CARMIL1: variants seen among roughly 807,000 people sequenced by gnomAD.
CARMIL1 encodes capping protein regulator and myosin 1 linker 1, also known as F-actin-uncapping protein LRRC16A.
In CARMIL1, 90 loss-of-function variants were observed where a neutral mutation model predicts 177.1. The ratio of observed to expected loss-of-function variants is 0.51; its 90% CI spans 0.43 to 0.61. The LOEUF (loss-of-function observed/expected upper bound fraction) is 0.61, where lower values mean the gene tolerates loss of function less well. Among genes scored for constraint, CARMIL1 ranks in the 20% least tolerant of loss-of-function variants. The pLI is 0.00. For synonymous variants in CARMIL1, 577 were observed against 606.2 expected, an observed-to-expected ratio of 0.95 and a Z score of 0.71; for missense variants, 1,380 against 1,667.0, an observed-to-expected ratio of 0.83 and a Z score of 3.00.
At chr6:25,452,947 TG>T (rs1330340030) in intron 8 of CARMIL1, among the ~76,000 whole-genome samples, 1 of 152,246 alleles carries the variant, frequency 6.6e-6, no homozygotes, top group Non-Finnish European at 1.5e-5. Flanking sequence ...TGAACTTTTT[TG>T]TATTTTGTTA....
At chr6:25,556,000 G>A (rs183174174) in intron 28 of CARMIL1, among the ~76,000 whole-genome samples, 4 of 152,222 alleles carry the variant, frequency 2.6e-5, no homozygotes, top group East Asian at 3.9e-4. Context: ...AAGAGATTAA[G>A]TCTCATATGA....
chr6:25,482,263 C>A lies in CARMIL1; in HGVS notation c.881C>A (p.Ser294Tyr). 1.3e-6 allele frequency: 2 copies of A among 1,558,876 alleles called. No homozygotes were observed. The highest frequency in any genetic ancestry group is 8.8e-7 in the Non-Finnish European group (1 of 1,142,622). ...CTTCTTTTTCCTTTCTCAGGTGTGT[C>A]CTCTTTAAGTATTCAATTTGCCAAA... ...AGNPLEDRGV[S>Y]SLSIQFAKLP... The change falls in exon 12 of 37, where the codon TCC (serine) becomes TAC (tyrosine). Residue 294 changes from serine to tyrosine, a missense_variant. Transcript: ENST00000329474.
intron 2 of CARMIL1, among the ~76,000 whole-genome samples, chr6:25,372,159 T>C (rs1163850904): frequency 6.6e-6 from 1 of 152,240 alleles, no homozygotes; most frequent in Non-Finnish European, 1.5e-5. Flanking sequence ...ACTATAACCT[T>C]GTAGTATAAT....
chr6:25,617,637 T>C (rs1229105724), intron 36 of CARMIL1, among the ~76,000 whole-genome samples: 3 of 152,234 alleles, frequency 2.0e-5, no homozygotes, highest in Non-Finnish European at 4.4e-5. Flanking sequence ...TTGGGTTTAT[T>C]GTAAAATGTT....
chr6:25,530,283 C>G (rs111874187), intron 24 of CARMIL1, among the ~76,000 whole-genome samples: 286 of 151,910 alleles, frequency 1.9e-3, no homozygotes, highest in African/African-American at 6.5e-3. Context: ...CTTGGGAGGT[C>G]GAGACAGGTG....
chr6:25,568,951 GAAA>G (rs1811814460), intron 29 of CARMIL1, among the ~76,000 whole-genome samples: 3 of 152,120 alleles, frequency 2.0e-5, no homozygotes, highest in African/African-American at 4.8e-5. Context: ...TGTTTTGTTA[GAAA>G]ATAATGCCCT....
intron 2 of CARMIL1, among the ~76,000 whole-genome samples, chr6:25,359,457 A>G (rs887942009): frequency 6.6e-6 from 1 of 152,200 alleles, no homozygotes; most frequent in Non-Finnish European, 1.5e-5. Context: ...ATCAGCTGTT[A>G]AGCTGGTACA....
intron 2 of CARMIL1, among the ~76,000 whole-genome samples, chr6:25,366,548 TC>T (rs1789830869): frequency 6.6e-6 from 1 of 151,738 alleles, no homozygotes; most frequent in South Asian, 2.1e-4. Context: ...GTTTTCTCTT[TC>T]CTAGAATGTA....
At chr6:25,381,895 A>G (rs567617980) in intron 2 of CARMIL1, among the ~76,000 whole-genome samples, 2 of 151,836 alleles carry the variant, frequency 1.3e-5, no homozygotes, top group African/African-American at 2.4e-5. Context: ...TCATTCCTCA[A>G]ATTTCGTGGT....
In CARMIL1 at chr6:25,370,992, C is replaced by G. The variant is rs1314839070; in HGVS notation, c.139-49122C>G. Among the ~76,000 whole-genome samples the G allele has an allele frequency of 3.3e-5, 5 of 152,108 alleles. No homozygotes were observed. In the East Asian group the frequency reaches 9.6e-4, roughly 29 times the overall value. On this transcript the variant is annotated intron_variant, in intron 2 of 36. Transcript: ENST00000329474. Reference sequence around the variant, plus strand: ...TTTTGTGTACCCATAGTTTAGCTCCCACTTATAAGTGAGAACATACGGTAT... The same window carrying G: ...TTTTGTGTACCCATAGTTTAGCTCCGACTTATAAGTGAGAACATACGGTAT...
At position 25,544,596 on chromosome 6, in the gene CARMIL1, G is replaced by A. The variant is rs1210810075; in HGVS notation, c.2328+4518G>A. ...ACTGCAAAAACTGAGATCATTTACT[G>A]TTACTAGACTACACACACACACACA... is the stretch of plus-strand genomic sequence containing the variant. On this transcript the variant is annotated intron_variant, in intron 26 of 36. Coordinates refer to ENST00000329474, the MANE Select transcript of CARMIL1 (RefSeq NM_017640.6). Among the ~76,000 whole-genome samples the A allele has an allele frequency of 5.0e-5, 7 of 140,322 alleles. No homozygotes were observed. In the South Asian group the frequency reaches 1.6e-3, roughly 33 times the overall value. 92.1% of individuals were successfully genotyped at this position (140,322 alleles called of 152,430 possible).
chr6:25,586,398 GCGGC>G (rs1562312687), intron 31 of CARMIL1, among the ~76,000 whole-genome samples: 41 of 149,028 alleles, frequency 2.8e-4, no homozygotes, highest in African/African-American at 1.1e-3. Context: ...CAGACAATGG[GCGGC>G]CAGGCAGAGA....
At chr6:25,329,378 C>G (rs541407298) in intron 2 of CARMIL1, among the ~76,000 whole-genome samples, 1 of 152,142 alleles carries the variant, frequency 6.6e-6, no homozygotes, top group Non-Finnish European at 1.5e-5. Context: ...TCTCATTGGC[C>G]GTGATGCCCA....
chr6:25,609,333 G>A (rs1466244530), intron 35 of CARMIL1, among the ~76,000 whole-genome samples: 1 of 152,100 alleles, frequency 6.6e-6, no homozygotes, highest in South Asian at 2.1e-4. Flanking sequence ...TGGCATGGTG[G>A]CACGTGCCTG....
chr6:25,298,815 C>T (rs899851228), intron 2 of CARMIL1, among the ~76,000 whole-genome samples: 1 of 145,634 alleles, frequency 6.9e-6, no homozygotes, highest in Non-Finnish European at 1.5e-5. Context: ...AGTGCAATGG[C>T]GCGATCTCGG....
At chr6:25,459,277 T>TCTTTCTTTTCTTTCTTTCTTTC (rs1450322009) in intron 8 of CARMIL1, among the ~76,000 whole-genome samples, 2 of 139,594 alleles carry the variant, frequency 1.4e-5, no homozygotes, top group African/African-American at 5.2e-5. Context: ...TTTTTTTTTT[T>TCTTTCTTTTCTTTCTTTCTTTC]TTTAAGACAG....
chr6:25,505,833 A>G (rs1159592640), intron 17 of CARMIL1, among the ~76,000 whole-genome samples: 3 of 145,156 alleles, frequency 2.1e-5, no homozygotes, highest in Non-Finnish European at 4.5e-5. Flanking sequence ...CTGGGACTAA[A>G]TTCTTCAAAC....
chr6:25,490,200 T>C (rs1803064932), intron 13 of CARMIL1, among the ~76,000 whole-genome samples: 1 of 152,164 alleles, frequency 6.6e-6, no homozygotes, highest in Admixed American at 6.5e-5. Flanking sequence ...TAGCAGGGCC[T>C]GGCCTCTTTG....
intron 8 of CARMIL1, among the ~76,000 whole-genome samples, chr6:25,453,119 C>T (rs1300681519): frequency 6.6e-6 from 1 of 152,006 alleles, no homozygotes; most frequent in African/African-American, 2.4e-5. Flanking sequence ...AAAAGAAAGA[C>T]ATTTCATAAC....
Sources: gnomAD v4.1 joint callset for allele counts (sites outside exome capture counted in the v4.1 genomes callset) on GRCh38, gnomAD v4.1.1 for gene constraint, MANE v1.5 for transcripts, NCBI Gene and HGNC (gene_info 2026-07-23, HGNC 2026-07-21) for gene names.